PPP2R2B: variants seen among roughly 807,000 people sequenced by gnomAD.
PPP2R2B encodes serine/threonine-protein phosphatase 2A 55 kDa regulatory subunit B beta isoform.
In PPP2R2B, 5 loss-of-function variants were observed where a neutral mutation model predicts 46.0. The observed-to-expected ratio is 0.11, with a 90% CI of 0.06 to 0.23. The LOEUF (loss-of-function observed/expected upper bound fraction) is 0.23, where lower values mean the gene tolerates loss of function less well. PPP2R2B is among the 10% of genes least tolerant of loss of function. PPP2R2B has a pLI of 1.00. For synonymous variants in PPP2R2B, 215 were observed against 206.7 expected (o/e 1.04, Z -0.34); for missense variants, 367 against 575.0 (o/e 0.64, Z 3.70).
chr5:146,615,726 T>C (rs1462260080), intron 7 of PPP2R2B, among the ~76,000 whole-genome samples: 1 of 151,776 alleles, frequency 6.6e-6, no homozygotes, highest in African/African-American at 2.4e-5. Flanking sequence ...TAAAAAACAC[T>C]GATGAAAGAA....
At chr5:147,001,268 A>G (rs1754158058) in intron 1 of PPP2R2B, among the ~76,000 whole-genome samples, 1 of 152,136 alleles carries the variant, frequency 6.6e-6, no homozygotes. Flanking sequence ...GCTCTTCACA[A>G]TAAATCTTGC....
At chr5:146,999,922 T>G (rs928250130) in intron 1 of PPP2R2B, among the ~76,000 whole-genome samples, 7 of 152,196 alleles carry the variant, frequency 4.6e-5, no homozygotes, top group Non-Finnish European at 7.3e-5. Flanking sequence ...CAGCTTCACC[T>G]AGAAGCTTTG....
intron 5 of PPP2R2B, among the ~76,000 whole-genome samples, chr5:146,677,902 T>G (rs1249150591): frequency 1.3e-5 from 2 of 152,172 alleles, no homozygotes; most frequent in Non-Finnish European, 2.9e-5. Flanking sequence ...ACCATACATG[T>G]CCATCATGAC....
intron 2 of PPP2R2B, among the ~76,000 whole-genome samples, chr5:146,832,379 C>CTT (rs34269274): frequency 0.02 from 1,403 of 70,066 alleles, 129 homozygotes; most frequent in South Asian, 0.053. Flanking sequence ...CATTTTTAAT[C>CTT]TTTTTTTTTT....
At chr5:146,753,236 T>A (rs1753657318) in intron 2 of PPP2R2B, among the ~76,000 whole-genome samples, 1 of 152,168 alleles carries the variant, frequency 6.6e-6, no homozygotes, top group South Asian at 2.1e-4. Context: ...AAGGAAAAGT[T>A]ATTGTCCATG....
At chr5:146,885,555 G>C (rs1762294659) in intron 1 of PPP2R2B, among the ~76,000 whole-genome samples, 1 of 152,170 alleles carries the variant, frequency 6.6e-6, no homozygotes, top group African/African-American at 2.4e-5. Context: ...GCCACAAATA[G>C]TTTGCCAGTT....
intron 1 of PPP2R2B, among the ~76,000 whole-genome samples, chr5:146,900,063 A>T (rs1762774860): frequency 1.3e-5 from 2 of 152,182 alleles, no homozygotes; most frequent in African/African-American, 4.8e-5. Flanking sequence ...TTCTATACTC[A>T]ACCTACCAAC....
chr5:146,908,923 C>T (rs943865691), intron 1 of PPP2R2B, among the ~76,000 whole-genome samples: 1 of 152,058 alleles, frequency 6.6e-6, no homozygotes, highest in African/African-American at 2.4e-5. Context: ...TGAGTTGCCT[C>T]CCGAGTAGCT....
At chr5:146,717,697 A>G (rs534479776) in intron 2 of PPP2R2B, among the ~76,000 whole-genome samples, 19 of 152,200 alleles carry the variant, frequency 1.2e-4, no homozygotes, top group Admixed American at 1.0e-3. Flanking sequence ...ATCATTAAGA[A>G]CACTTTGTGA....
At chr5:146,791,941 T>C (rs544488002) in intron 2 of PPP2R2B, among the ~76,000 whole-genome samples, 1 of 152,300 alleles carries the variant, frequency 6.6e-6, no homozygotes, top group South Asian at 2.1e-4. Context: ...ATTCATCAGG[T>C]ATTCCATCTT....
At chr5:146,701,331 C>T (rs1055915684) in intron 2 of PPP2R2B, 189 bp from the exon 3 acceptor site, 16 of 736,422 alleles carry the variant, frequency 2.2e-5, no homozygotes, top group African/African-American at 1.9e-4. Flanking sequence ...TTCCTAGATG[C>T]CCACACTGCA....
chr5:146,691,025 C>A, intron 5 of PPP2R2B, 103 bp downstream of exon 5: 1 of 931,550 alleles, frequency 1.1e-6, no homozygotes, highest in Non-Finnish European at 1.7e-6. Flanking sequence ...TACGTTCCCT[C>A]ACTGGCCCAT....
intron 2 of PPP2R2B, among the ~76,000 whole-genome samples, chr5:146,737,941 AAAAAC>A (rs1027375166): frequency 6.7e-6 from 1 of 149,524 alleles, no homozygotes; most frequent in African/African-American, 2.6e-5. Context: ...CCCTGTCTCA[AAAAAC>A]AAAACAAAAC....
At chr5:146,761,214 T>A (rs554894844) in intron 2 of PPP2R2B, among the ~76,000 whole-genome samples, 1 of 152,150 alleles carries the variant, frequency 6.6e-6, no homozygotes, top group Non-Finnish European at 1.5e-5. Flanking sequence ...CACATGCACA[T>A]GTATGTTTAT....
intron 8 of PPP2R2B, among the ~76,000 whole-genome samples, chr5:146,599,951 G>T (rs948560332): frequency 6.6e-6 from 1 of 152,106 alleles, no homozygotes; most frequent in Non-Finnish European, 1.5e-5. Flanking sequence ...TTCTCACCTG[G>T]CTGGACCATC....
rs1762024220 is a variant in PPP2R2B, at chr5:146,878,339, C to T, written c.-124-144G>A. On this transcript the variant is annotated intron_variant, in intron 1 of 9. Coordinates refer to ENST00000394411, the MANE Select transcript of PPP2R2B (RefSeq NM_181675.4). The surrounding 1 kb of genome is among the most constrained non-coding windows in gnomAD (Gnocchi z 4.5). ...CCAGCTCCAGTTCCCAGCGAGGATGCTGCGCCTGCCTCCGCTGCCTCCGGG... is the reference window on the plus strand; with the variant it reads ...CCAGCTCCAGTTCCCAGCGAGGATGTTGCGCCTGCCTCCGCTGCCTCCGGG... The T allele has an allele frequency of 2.1e-6, 3 of 1,437,344 alleles. No individual in the cohort carries two copies. The highest frequency in any genetic ancestry group is 2.9e-5 in the Admixed American group (1 of 35,020). 89.0% of individuals were successfully genotyped at this position (1,437,344 alleles called of 1,614,324 possible).
At chr5:147,001,969 C>T (rs1049818273) in intron 1 of PPP2R2B, among the ~76,000 whole-genome samples, 6 of 152,240 alleles carry the variant, frequency 3.9e-5, no homozygotes, top group African/African-American at 1.4e-4. Context: ...GTTGACCCTG[C>T]GGCCATGAGC....
At chr5:146,720,623 A>C (rs1206555306) in intron 2 of PPP2R2B, among the ~76,000 whole-genome samples, 2 of 152,208 alleles carry the variant, frequency 1.3e-5, no homozygotes, top group Non-Finnish European at 2.9e-5. Flanking sequence ...CCCATCAGAA[A>C]GAAGTTCACC....
chr5:146,992,217 T>C (rs1409403550), intron 1 of PPP2R2B, among the ~76,000 whole-genome samples: 2 of 152,206 alleles, frequency 1.3e-5, no homozygotes, highest in Admixed American at 1.3e-4. Context: ...CATATTCATG[T>C]ATAGTCAATT....
Sources: gnomAD v4.1 joint callset for allele counts (sites outside exome capture counted in the v4.1 genomes callset) on GRCh38, gnomAD v4.1.1 for gene constraint, Gnocchi (gnomAD v3.1) non-coding constraint, MANE v1.5 for transcripts, NCBI Gene and HGNC (gene_info 2026-07-23, HGNC 2026-07-21) for gene names.